Variants in ASRGL1 observed in about 807,000 individuals in gnomAD.
ASRGL1 encodes the protein isoaspartyl peptidase/L-asparaginase.
Under a neutral mutation model 22.4 loss-of-function variants are expected in ASRGL1, and 16 were observed. The observed-to-expected ratio is 0.71, with a 90% CI of 0.48 to 1.08. ASRGL1 has a LOEUF of 1.08. Among genes scored for constraint, ASRGL1 ranks in the 50% least tolerant of loss-of-function variants. The pLI, the probability that ASRGL1 is intolerant of heterozygous loss-of-function variation, is 0.00. For synonymous variants in ASRGL1, 165 were observed against 159.3 expected, an observed-to-expected ratio of 1.04 and a Z score of -0.27; for missense variants, 412 against 410.1, an observed-to-expected ratio of 1.00 and a Z score of -0.04.
At chr11:62,342,266 G>C (rs1945883613) in intron 2 of ASRGL1, among the ~76,000 whole-genome samples, 1 of 152,226 alleles carries the variant, frequency 6.6e-6, no homozygotes, top group Non-Finnish European at 1.5e-5. Context: ...AAGAGGAACA[G>C]GCTGTGACCT....
intron 2 of ASRGL1, among the ~76,000 whole-genome samples, chr11:62,346,826 C>T (rs1335393809): frequency 6.6e-6 from 1 of 152,022 alleles, no homozygotes; most frequent in Non-Finnish European, 1.5e-5. Flanking sequence ...AAAAATTAGC[C>T]TCGCATGGTG....
chr11:62,349,169 A>G (rs779740722), intron 2 of ASRGL1, among the ~76,000 whole-genome samples: 7 of 152,112 alleles, frequency 4.6e-5, no homozygotes, highest in South Asian at 2.1e-4. Context: ...GGGTTTCACC[A>G]TGTTGGCCAG....
In ASRGL1 at chr11:62,367,075, A is replaced by G. The variant is rs370723405; in HGVS notation, c.491+9931A>G. ...CAAAATTAGTCGGGCATGGTGGCGC[A>G]TGCCTGTAATCCCAACTACTTGGGA... On this transcript the variant is annotated intron_variant, in intron 4 of 6. Coordinates refer to ENST00000415229, the MANE Select transcript of ASRGL1 (RefSeq NM_001083926.2). Among the ~76,000 whole-genome samples, 24 of 152,122 alleles carry G rather than the reference A, an allele frequency of 1.6e-4. No homozygotes were observed. The East Asian group carries it at 4.6e-3, about 29-fold the overall frequency.
chr11:62,373,553 T>C (rs1341567927), intron 4 of ASRGL1, among the ~76,000 whole-genome samples: 4 of 152,188 alleles, frequency 2.6e-5, no homozygotes, highest in Admixed American at 2.0e-4. Flanking sequence ...GGATGCTACA[T>C]GGAAGAGGAA....
chr11:62,337,460 G>A lies in ASRGL1; in HGVS notation c.-203G>A, dbSNP rs1945746136. 1 of 160,024 alleles carries A rather than the reference G, an allele frequency of 6.2e-6. No individual in the cohort carries two copies. Among genetic ancestry groups the A allele is most frequent in the Admixed American group, 6.4e-5 (1 of 15,506 alleles). 9.9% of individuals were successfully genotyped at this position (160,024 alleles called of 1,614,324 possible). ...CAGGCGCAGAACCGTTGTGACCAGAGCGGTTGCGGGCTGAGCGGTTTCGAG... is the reference window on the plus strand; with the variant it reads ...CAGGCGCAGAACCGTTGTGACCAGAACGGTTGCGGGCTGAGCGGTTTCGAG... On this transcript the variant is annotated 5_prime_UTR_variant, in exon 1 of 7. Transcript: ENST00000415229.
intron 4 of ASRGL1, 147 bp downstream of exon 4, chr11:62,357,291 C>A: frequency 2.1e-6 from 2 of 963,964 alleles, no homozygotes; most frequent in Non-Finnish European, 2.9e-6. Flanking sequence ...TCTCTGTTGC[C>A]CAGACTGGAG....
Position 62,372,659 on chromosome 11 carries a change from C to A in ASRGL1, c.491+15515C>A. 18 of 1,018,854 alleles carry A rather than the reference C, an allele frequency of 1.8e-5. No homozygotes were observed. In the South Asian group the frequency reaches 2.1e-4, roughly 12 times the overall value. 63.1% of individuals were successfully genotyped at this position (1,018,854 alleles called of 1,614,324 possible). On this transcript the variant is annotated intron_variant, in intron 4 of 6. Transcript: ENST00000415229. ...TGGTCCTGGACTCCCAGAAGTGAGTCTTCTCCTGGGGCTTCAGTGGCTATG... is the reference window on the plus strand; with the variant it reads ...TGGTCCTGGACTCCCAGAAGTGAGTATTCTCCTGGGGCTTCAGTGGCTATG...
intron 5 of ASRGL1, among the ~76,000 whole-genome samples, chr11:62,390,480 G>T (rs1384929305): frequency 6.6e-6 from 1 of 152,192 alleles, no homozygotes; most frequent in Non-Finnish European, 1.5e-5. Context: ...CACGCCCGAT[G>T]CCTGTGCCAG....
chr11:62,351,681 G>A (rs934531645), intron 2 of ASRGL1, among the ~76,000 whole-genome samples: 2 of 151,748 alleles, frequency 1.3e-5, no homozygotes, highest in Admixed American at 1.3e-4. Context: ...TTTTTGGTGG[G>A]GGTGGGGACA....
chr11:62,355,744 T>C (rs987658776), intron 2 of ASRGL1, among the ~76,000 whole-genome samples: 1 of 151,436 alleles, frequency 6.6e-6, no homozygotes, highest in East Asian at 1.9e-4. Context: ...AGGTCTCTGG[T>C]TTTCCTAGGC....
At chr11:62,390,711 A>ATC (rs987098136) in intron 5 of ASRGL1, among the ~76,000 whole-genome samples, 1 of 152,226 alleles carries the variant, frequency 6.6e-6, no homozygotes, top group African/African-American at 2.4e-5. Flanking sequence ...GCCAGGGATT[A>ATC]TCTGCCTTTG....
At chr11:62,356,554 A>G in intron 3 of ASRGL1, 87 bp downstream of exon 3, 3 of 1,442,626 alleles carry the variant, frequency 2.1e-6, no homozygotes, top group Middle Eastern at 1.9e-4. Flanking sequence ...GAAATACTTG[A>G]GATCACTGTT....
intron 4 of ASRGL1, among the ~76,000 whole-genome samples, chr11:62,368,248 A>G (rs1173864290): frequency 1.3e-5 from 2 of 152,192 alleles, no homozygotes; most frequent in Non-Finnish European, 2.9e-5. Context: ...TACATACAGT[A>G]TAGGCGAAAA....
chr11:62,344,818 A>T (rs2463820), intron 2 of ASRGL1, among the ~76,000 whole-genome samples: 136,035 of 152,258 alleles, frequency 0.89, 60,832 homozygotes, highest in East Asian at 1. Context: ...ATACTAACTC[A>T]TATTCATTCT....
Position 62,392,406 on chromosome 11 carries a change from T to G in ASRGL1, c.*122T>G. 8.4e-7 allele frequency: 1 copy of G among 1,193,412 alleles called. No individual in the cohort carries two copies. The highest frequency in any genetic ancestry group is 1.2e-6 in the Non-Finnish European group (1 of 840,616). The allele number at this position is 1,193,412 out of a possible 1,614,324, so 73.9% of individuals were successfully genotyped here. A position where few individuals can be genotyped will look rare whatever the true frequency, so the allele number is the denominator to read the frequency against. ...TTGTCCCGTCTGTCACTTGTTTTGTTGCCTTAATAAGCATCTGAATGTTTG... is the reference window on the plus strand; with the variant it reads ...TTGTCCCGTCTGTCACTTGTTTTGTGGCCTTAATAAGCATCTGAATGTTTG... On this transcript the variant is annotated 3_prime_UTR_variant, in exon 7 of 7. Transcript: ENST00000415229.
intron 2 of ASRGL1, among the ~76,000 whole-genome samples, chr11:62,338,757 A>G (rs7105219): frequency 0.23 from 34,277 of 150,872 alleles, 4,164 homozygotes; most frequent in East Asian, 0.34. Context: ...CTAACAGGTG[A>G]AAAGCCACCT....
intron 2 of ASRGL1, among the ~76,000 whole-genome samples, chr11:62,350,105 G>T (rs545683794): frequency 1.3e-5 from 2 of 152,228 alleles, no homozygotes; most frequent in South Asian, 4.2e-4. Context: ...AATGCCTGCC[G>T]CCCAGCAGGT....
intron 2 of ASRGL1, among the ~76,000 whole-genome samples, chr11:62,348,849 C>T (rs1293704623): frequency 6.6e-6 from 1 of 152,172 alleles, no homozygotes; most frequent in East Asian, 1.9e-4. Context: ...AAAGATATCG[C>T]AAAAGGCCAA....
downstream of ASRGL1, among the ~76,000 whole-genome samples, chr11:62,397,536 T>C (rs1363348182): frequency 1.3e-5 from 2 of 151,910 alleles, no homozygotes; most frequent in Admixed American, 6.6e-5. Flanking sequence ...TGGTGATGCA[T>C]GCCTGTAATC....
Sources: gnomAD v4.1 joint callset for allele counts (sites outside exome capture counted in the v4.1 genomes callset) on GRCh38, gnomAD v4.1.1 for gene constraint, MANE v1.5 for transcripts, NCBI Gene and HGNC (gene_info 2026-07-23, HGNC 2026-07-21) for gene names.